Variants in LARGE1 observed in about 807,000 individuals in gnomAD.
LARGE1 encodes xylosyl- and glucuronyltransferase LARGE1.
In LARGE1, 43 loss-of-function variants were observed where a neutral mutation model predicts 87.6. The ratio of observed to expected loss-of-function variants is 0.49; its 90% CI spans 0.38 to 0.63. The LOEUF is 0.63. LARGE1 is among the 30% of genes least tolerant of loss of function. LARGE1 has a pLI of 0.00. For synonymous variants in LARGE1, 434 were observed against 394.6 expected (o/e 1.10, Z -1.18); for missense variants, 802 against 1,000.2 (o/e 0.80, Z 2.67).
At chr22:33,484,398 A>G (rs964314404) in intron 6 of LARGE1, among the ~76,000 whole-genome samples, 2 of 152,214 alleles carry the variant, frequency 1.3e-5, no homozygotes, top group African/African-American at 2.4e-5. Context: ...CTTACTGTGA[A>G]TCATACTTGG....
intron 12 of LARGE1, among the ~76,000 whole-genome samples, chr22:33,289,148 C>T (rs111472184): frequency 0.015 from 2,320 of 152,152 alleles, 37 homozygotes; most frequent in South Asian, 0.053. Flanking sequence ...TTACTAGAGA[C>T]AGGTTTTCAC....
intron 6 of LARGE1, among the ~76,000 whole-genome samples, chr22:33,517,832 T>C (rs186478139): frequency 7.2e-5 from 11 of 152,184 alleles, no homozygotes; most frequent in Non-Finnish European, 1.5e-4. Context: ...ATCCCACAGA[T>C]ACAATATACC....
intron 6 of LARGE1, among the ~76,000 whole-genome samples, chr22:33,434,971 G>T (rs1249858147): frequency 1.3e-5 from 2 of 151,964 alleles, no homozygotes; most frequent in Non-Finnish European, 2.9e-5. Context: ...TCACTATTTA[G>T]TACTTCCTAC....
intron 4 of LARGE1, among the ~76,000 whole-genome samples, chr22:33,614,063 T>G (rs188434445): frequency 6.6e-6 from 1 of 152,202 alleles, no homozygotes; most frequent in East Asian, 1.9e-4. Flanking sequence ...GAGCTGGGTC[T>G]TGAAAGCAAA....
intron 6 of LARGE1, among the ~76,000 whole-genome samples, chr22:33,457,815 G>A (rs1473423937): frequency 8.5e-5 from 13 of 152,160 alleles, no homozygotes; most frequent in Admixed American, 8.5e-4. Flanking sequence ...TCCAGGCTGA[G>A]GAAAGACCCT....
chr22:33,603,618 TGGAAGGAA>T (rs2079168139), intron 5 of LARGE1, among the ~76,000 whole-genome samples: 1 of 151,986 alleles, frequency 6.6e-6, no homozygotes, highest in Non-Finnish European at 1.5e-5. Flanking sequence ...AAATATCAGA[TGGAAGGAA>T]CAGAATAAGC....
At chr22:33,116,120 C>T in the LARGE1 span, 129,971 of 152,184 alleles carry the variant, frequency 0.85, 55,683 homozygotes, top group East Asian at 0.93. Context: ...AGGTGGACAT[C>T]GACGAGGGTG....
intron 10 of LARGE1, among the ~76,000 whole-genome samples, chr22:33,324,919 T>C (rs1177115331): frequency 1.8e-5 from 1 of 55,886 alleles, no homozygotes; most frequent in Non-Finnish European, 3.3e-5. Context: ...TCAGGTAAAG[T>C]GGGGAGAGCT....
chr22:33,856,495 A>G (rs1442839561), intron 1 of LARGE1, among the ~76,000 whole-genome samples: 1 of 152,194 alleles, frequency 6.6e-6, no homozygotes, highest in African/African-American at 2.4e-5. Context: ...CAGAACTGGG[A>G]ATTAGACACT....
At chr22:33,223,775 G>C (rs1198728394) in intron 11 of LARGE1, among the ~76,000 whole-genome samples, 3 of 152,162 alleles carry the variant, frequency 2.0e-5, no homozygotes, top group African/African-American at 4.8e-5. Flanking sequence ...AGTTCTGCCT[G>C]GACCAGCCTT....
chr22:33,098,437 G>C, the LARGE1 span, among the ~76,000 whole-genome samples: 2 of 152,060 alleles, frequency 1.3e-5, no homozygotes, highest in African/African-American at 4.8e-5. Flanking sequence ...GGCTAACACG[G>C]TGAAACCCCG....
At chr22:33,456,885 A>C (rs771768709) in intron 6 of LARGE1, among the ~76,000 whole-genome samples, 57 of 152,298 alleles carry the variant, frequency 3.7e-4, no homozygotes, top group Non-Finnish European at 6.8e-4. Flanking sequence ...GGAACAGGAG[A>C]TATGATCAAG....
chr22:33,818,079 T>C (rs2146231356), intron 1 of LARGE1, among the ~76,000 whole-genome samples: 1 of 152,258 alleles, frequency 6.6e-6, no homozygotes, highest in Middle Eastern at 3.4e-3. Flanking sequence ...TGCTTTAGTT[T>C]CTCTCCTGTA....
the LARGE1 span, among the ~76,000 whole-genome samples, chr22:33,146,257 A>G: frequency 6.6e-6 from 1 of 152,188 alleles, no homozygotes; most frequent in Non-Finnish European, 1.5e-5. Flanking sequence ...GAGAATTTCT[A>G]AGGCTTCATA....
chr22:33,311,625 T>A (rs1935601446), intron 11 of LARGE1, among the ~76,000 whole-genome samples: 1 of 152,208 alleles, frequency 6.6e-6, no homozygotes, highest in African/African-American at 2.4e-5. Context: ...AAAGGCTAAG[T>A]AAGTCGTTCA....
At chr22:33,544,700 A>C (rs1045168880) in intron 6 of LARGE1, among the ~76,000 whole-genome samples, 1 of 151,942 alleles carries the variant, frequency 6.6e-6, no homozygotes, top group South Asian at 2.1e-4. Context: ...CAACCACAAC[A>C]ACAACAACAA....
At chr22:33,466,549 T>C (rs976930509) in intron 6 of LARGE1, among the ~76,000 whole-genome samples, 5 of 152,036 alleles carry the variant, frequency 3.3e-5, no homozygotes, top group African/African-American at 1.2e-4. Context: ...GAGCTGTGAA[T>C]GTTACTTGTC....
chr22:33,657,205 A>C (rs139072721), intron 2 of LARGE1: 35 of 152,384 alleles, frequency 2.3e-4, no homozygotes, highest in African/African-American at 8.4e-4. Context: ...TCTTGCACTT[A>C]GTGCCAGATT....
intron 11 of LARGE1, among the ~76,000 whole-genome samples, chr22:33,172,184 G>A (rs1922612335): frequency 6.6e-6 from 1 of 152,212 alleles, no homozygotes; most frequent in African/African-American, 2.4e-5. Context: ...TTTAGAATGG[G>A]AATATTTACC....
Sources: gnomAD v4.1 joint callset for allele counts (sites outside exome capture counted in the v4.1 genomes callset) on GRCh38, gnomAD v4.1.1 for gene constraint, MANE v1.5 for transcripts, NCBI Gene and HGNC (gene_info 2026-07-23, HGNC 2026-07-21) for gene names.